SUFU: variants seen among roughly 807,000 people sequenced by gnomAD.
SUFU encodes suppressor of fused homolog.
In SUFU, 7 loss-of-function variants were observed where a neutral mutation model predicts 58.9. The observed-to-expected ratio is 0.12, with a 90% CI of 0.07 to 0.22. The LOEUF is 0.22. Ranked by LOEUF, SUFU falls within the 10% of genes least tolerant of loss-of-function variation. The pLI is 1.00. For missense variants in SUFU, 451 were observed against 641.3 expected (o/e 0.70, Z 3.20); for synonymous variants, 232 against 254.8 (o/e 0.91, Z 0.85).
chr10:102,546,988 G>C (rs2062862146), intron 2 of SUFU, among the ~76,000 whole-genome samples: 1 of 152,378 alleles, frequency 6.6e-6, no homozygotes, highest in Middle Eastern at 3.4e-3. Context: ...AAGTGGTGCT[G>C]TGTGGATGCA....
At chr10:102,618,695 T>G (rs563226784) in intron 10 of SUFU, 9 of 329,004 alleles carry the variant, frequency 2.7e-5, no homozygotes, top group East Asian at 2.1e-4. Context: ...CCATGTGGTG[T>G]TGGTAGTTAC....
intron 2 of SUFU, among the ~76,000 whole-genome samples, chr10:102,520,441 A>G (rs1271781280): frequency 6.6e-6 from 1 of 151,516 alleles, no homozygotes; most frequent in East Asian, 2.0e-4. Context: ...GCTGGTCTCG[A>G]ACTCCTGACC....
intron 8 of SUFU, among the ~76,000 whole-genome samples, chr10:102,605,318 C>T (rs1243069396): frequency 6.6e-6 from 1 of 151,982 alleles, no homozygotes. Context: ...AGTTCGAGAC[C>T]AGCCTGGGCA....
intron 6 of SUFU, among the ~76,000 whole-genome samples, chr10:102,594,844 G>A (rs1418496985): frequency 6.6e-6 from 1 of 152,032 alleles, no homozygotes; most frequent in Non-Finnish European, 1.5e-5. Context: ...TCAGCCTCCC[G>A]AGTAGCTGAG....
intron 10 of SUFU, among the ~76,000 whole-genome samples, chr10:102,624,717 C>T (rs2063771142): frequency 6.6e-6 from 1 of 152,214 alleles, no homozygotes; most frequent in Admixed American, 6.5e-5. Context: ...AACTCACCCT[C>T]TCCTTAGCAC....
At chr10:102,507,997 A>C in intron 1 of SUFU, among the ~76,000 whole-genome samples, 2 of 129,064 alleles carry the variant, frequency 1.5e-5, no homozygotes, top group East Asian at 2.2e-4. Flanking sequence ...ACAAAGTCTC[A>C]CTCTGTCACC....
intron 3 of SUFU, among the ~76,000 whole-genome samples, chr10:102,575,526 C>T (rs2063204687): frequency 6.6e-6 from 1 of 152,168 alleles, no homozygotes; most frequent in Non-Finnish European, 1.5e-5. Context: ...CCAGTTTCTA[C>T]CCCCATTGTC....
intron 8 of SUFU, among the ~76,000 whole-genome samples, chr10:102,601,624 C>T (rs2063515916): frequency 6.6e-6 from 1 of 152,196 alleles, no homozygotes. Flanking sequence ...TTCTCCTCCT[C>T]CTTTGCCAAG....
Position 102,617,365 on chromosome 10 carries a change from G to A in SUFU, c.1233G>A (p.Thr411=), listed in dbSNP as rs1340478666. Residue 411 remains threonine, a synonymous_variant, in exon 10 of 12, where the codon ACG becomes ACA. Transcript: ENST00000369902. The surrounding 1 kb of genome is among the most constrained non-coding windows in gnomAD (Gnocchi z 4.4). ...TGDMAITFVS[T]GVEGAFATEE... ...ACATGGCCATCACGTTTGTCTCCAC[G>A]GGAGTGGAAGGCGCCTTTGCCACTG... 1.9e-6 allele frequency: 3 copies of A among 1,614,090 alleles called. No homozygotes were observed. Among genetic ancestry groups the A allele is most frequent in the African/African-American group, 1.3e-5 (1 of 74,930 alleles).
intron 10 of SUFU, among the ~76,000 whole-genome samples, chr10:102,622,991 C>CAA (rs60442672): frequency 0.023 from 1,295 of 57,472 alleles, 17 homozygotes; most frequent in Non-Finnish European, 0.035. Context: ...AACTCCGTCT[C>CAA]AAAAAAAAAA....
Position 102,629,914 on chromosome 10 carries a change from C to T in SUFU, c.1366-152C>T. The T allele has an allele frequency of 1.3e-6, 1 of 785,998 alleles. No individual in the cohort carries two copies. The highest frequency in any genetic ancestry group is 1.4e-5 in the South Asian group (1 of 73,872). 48.7% of individuals were successfully genotyped at this position (785,998 alleles called of 1,614,324 possible). On this transcript the variant is annotated intron_variant, in intron 11 of 11. Transcript: ENST00000369902. The surrounding 1 kb of genome is among the most constrained non-coding windows in gnomAD (Gnocchi z 4.7). ...CTCCAGCCGTTTGAGCCCAGCCTGC[C>T]ACCTGGGTCTAGCATTTGAGAATGA...
At chr10:102,557,267 C>A (rs1385709801) in intron 3 of SUFU, among the ~76,000 whole-genome samples, 5 of 151,520 alleles carry the variant, frequency 3.3e-5, no homozygotes, top group Non-Finnish European at 7.4e-5. Flanking sequence ...TGGCAGAAAC[C>A]CAACTGAAAC....
intron 3 of SUFU, among the ~76,000 whole-genome samples, chr10:102,588,861 T>C (rs940350499): frequency 1.4e-4 from 22 of 152,246 alleles, no homozygotes; most frequent in Non-Finnish European, 2.6e-4. Flanking sequence ...CATTGTATTA[T>C]ATTTGATGCT....
At chr10:102,524,849 A>G (rs1327457120) in intron 2 of SUFU, among the ~76,000 whole-genome samples, 10 of 152,236 alleles carry the variant, frequency 6.6e-5, no homozygotes, top group Non-Finnish European at 1.2e-4. Flanking sequence ...GAACAAATGA[A>G]TAAAATGGAG....
At chr10:102,583,074 G>A (rs191426833) in intron 3 of SUFU, among the ~76,000 whole-genome samples, 12 of 152,246 alleles carry the variant, frequency 7.9e-5, no homozygotes, top group Non-Finnish European at 1.5e-4. Flanking sequence ...GTGGGCGCAG[G>A]GGCCTGAGTG....
At chr10:102,585,228 C>T (rs1176914001) in intron 3 of SUFU, among the ~76,000 whole-genome samples, 3 of 152,164 alleles carry the variant, frequency 2.0e-5, no homozygotes, top group African/African-American at 7.2e-5. Context: ...ATTGGTCACT[C>T]CCTATTCCCT....
intron 3 of SUFU, among the ~76,000 whole-genome samples, chr10:102,558,181 C>T (rs2063000760): frequency 6.6e-6 from 1 of 152,144 alleles, no homozygotes; most frequent in South Asian, 2.1e-4. Context: ...GGATTACAGG[C>T]ACAAGCCCCA....
chr10:102,614,895 AT>A lies in SUFU; in HGVS notation c.1023-372del, dbSNP rs200553041. On this transcript the variant is annotated intron_variant, in intron 8 of 11. Transcript: ENST00000369902. ...CATCTCAATTAAAAAAAAAAAAAAA[AT>A]AGAATGTTGGCCAAAGATGCAGGCT... 1.9e-3 allele frequency among the ~76,000 whole-genome samples: 274 copies of A among 147,840 alleles called. 1 individual carries two copies. The highest frequency in any genetic ancestry group is 5.2e-3 in the East Asian group (26 of 5,024).
chr10:102,630,462 C>T lies in SUFU; in HGVS notation c.*307C>T, dbSNP rs570370955. 24 of 477,588 alleles carry T rather than the reference C, an allele frequency of 5.0e-5. No individual in the cohort carries two copies. The highest frequency in any genetic ancestry group is 4.4e-4 in the African/African-American group (23 of 51,942). The allele number at this position is 477,588 out of a possible 1,614,324, so 29.6% of individuals were successfully genotyped here. On this transcript the variant is annotated 3_prime_UTR_variant, in exon 12 of 12. Coordinates refer to ENST00000369902, the MANE Select transcript of SUFU (RefSeq NM_016169.4). ...CTGGTTTGAGGTTTGACTCTGGACCCTGGCTGTGCCCCTAGGTGGAGACAG... is the reference window on the plus strand; with the variant it reads ...CTGGTTTGAGGTTTGACTCTGGACCTTGGCTGTGCCCCTAGGTGGAGACAG...
Sources: gnomAD v4.1 joint callset for allele counts (sites outside exome capture counted in the v4.1 genomes callset) on GRCh38, gnomAD v4.1.1 for gene constraint, Gnocchi (gnomAD v3.1) non-coding constraint, MANE v1.5 for transcripts, NCBI Gene and HGNC (gene_info 2026-07-23, HGNC 2026-07-21) for gene names.